The following FHIT variants were observed in gnomAD, a reference collection of about 807,000 sequenced individuals.
FHIT encodes fragile histidine triad diadenosine triphosphatase, also known as bis(5'-adenosyl)-triphosphatase.
Under a neutral mutation model 17.9 loss-of-function variants are expected in FHIT, and 19 were observed. The observed-to-expected ratio is 1.06, with a 90% CI of 0.74 to 1.56. The LOEUF is 1.56. FHIT is among the 40% of genes most tolerant of loss of function. The pLI is 0.00. For missense variants in FHIT, 248 were observed against 189.2 expected, an observed-to-expected ratio of 1.31 and a Z score of -1.82; for synonymous variants, 81 against 69.7, an observed-to-expected ratio of 1.16 and a Z score of -0.81.
chr3:60,653,624 T>C (rs2040048274), intron 4 of FHIT, among the ~76,000 whole-genome samples: 1 of 150,956 alleles, frequency 6.6e-6, no homozygotes, highest in African/African-American at 2.4e-5. Flanking sequence ...TAATTAACTG[T>C]AAAGTGGTAG....
chr3:60,119,301 G>C (rs1705137893), intron 5 of FHIT, among the ~76,000 whole-genome samples: 1 of 152,034 alleles, frequency 6.6e-6, no homozygotes, highest in Non-Finnish European at 1.5e-5. Context: ...TCGAACTCCT[G>C]ACCTCAAGCA....
chr3:59,932,850 A>T (rs1244915507), intron 7 of FHIT, among the ~76,000 whole-genome samples: 2 of 152,174 alleles, frequency 1.3e-5, no homozygotes, highest in African/African-American at 4.8e-5. Flanking sequence ...GGAGGGAAAC[A>T]TCTGGGCATA....
At chr3:60,336,003 A>T (rs894273871) in intron 5 of FHIT, among the ~76,000 whole-genome samples, 1 of 152,234 alleles carries the variant, frequency 6.6e-6, no homozygotes, top group Non-Finnish European at 1.5e-5. Flanking sequence ...TGTGCTTTCT[A>T]TCATAATGAT....
Position 60,572,654 on chromosome 3 carries a change from C to T in FHIT, c.-17-35675G>A, listed in dbSNP as rs138799619. Reference sequence around the variant, plus strand: ...GTGGTTTCTTTTCCTACTCCCTACACAACTTCTGCCATCTTGAGTCTTAAA... The same window carrying T: ...GTGGTTTCTTTTCCTACTCCCTACATAACTTCTGCCATCTTGAGTCTTAAA... On this transcript the variant is annotated intron_variant, in intron 4 of 9. Transcript: ENST00000492590. Among the ~76,000 whole-genome samples, 252 of 152,262 alleles carry T rather than the reference C, an allele frequency of 1.7e-3. 3 individuals carry two copies. Among genetic ancestry groups the T allele is most frequent in the African/African-American group, 5.5e-3 (228 of 41,564 alleles).
chr3:60,010,766 C>T (rs1700106915), intron 7 of FHIT, among the ~76,000 whole-genome samples: 1 of 152,126 alleles, frequency 6.6e-6, no homozygotes, highest in Admixed American at 6.5e-5. Context: ...ATAAATCCTC[C>T]TTTCTTCTCC....
chr3:61,160,924 G>A (rs1315877139), intron 2 of FHIT, among the ~76,000 whole-genome samples: 2 of 152,066 alleles, frequency 1.3e-5, no homozygotes, highest in Non-Finnish European at 1.5e-5. Flanking sequence ...ATCTAAAAAA[G>A]GCTCTTCTCT....
intron 3 of FHIT, among the ~76,000 whole-genome samples, chr3:61,026,341 C>A (rs17064318): frequency 0.27 from 40,527 of 151,996 alleles, 6,405 homozygotes; most frequent in African/African-American, 0.45. Context: ...CAGTGTACCT[C>A]CAATTCTCTC....
chr3:60,181,419 T>C (rs1701931078), intron 5 of FHIT, among the ~76,000 whole-genome samples: 1 of 152,162 alleles, frequency 6.6e-6, no homozygotes, highest in South Asian at 2.1e-4. Context: ...GTGCTGGGAT[T>C]ACAGGTGTGA....
chr3:60,471,386 C>G (rs1166096938), intron 5 of FHIT, among the ~76,000 whole-genome samples: 1 of 152,182 alleles, frequency 6.6e-6, no homozygotes, highest in Non-Finnish European at 1.5e-5. Flanking sequence ...CAGGTTCTGA[C>G]CATTGGCATG....
chr3:60,349,231 T>G (rs1218228009), intron 5 of FHIT, among the ~76,000 whole-genome samples: 2 of 152,226 alleles, frequency 1.3e-5, no homozygotes, highest in Non-Finnish European at 1.5e-5. Flanking sequence ...TTTGAAGTGC[T>G]GGAAGCTTAC....
chr3:61,162,989 A>T (rs538820135), intron 2 of FHIT, among the ~76,000 whole-genome samples: 1 of 152,138 alleles, frequency 6.6e-6, no homozygotes, highest in Non-Finnish European at 1.5e-5. Flanking sequence ...GAGAGTCATG[A>T]TTTCACCTTT....
At chr3:60,595,040 A>G (rs1559566452) in intron 4 of FHIT, among the ~76,000 whole-genome samples, 1 of 152,144 alleles carries the variant, frequency 6.6e-6, no homozygotes, top group Non-Finnish European at 1.5e-5. Flanking sequence ...GCACAGAAAC[A>G]GTCCCAAGGC....
At chr3:60,531,436 G>T (rs868000389) in intron 5 of FHIT, among the ~76,000 whole-genome samples, 1 of 151,824 alleles carries the variant, frequency 6.6e-6, no homozygotes, top group Admixed American at 6.6e-5. Flanking sequence ...CCGCTACCAC[G>T]CCCGGCTAAT....
intron 5 of FHIT, among the ~76,000 whole-genome samples, chr3:60,332,168 C>T (rs1254686495): frequency 1.3e-5 from 2 of 152,178 alleles, no homozygotes; most frequent in African/African-American, 4.8e-5. Flanking sequence ...GAAGCAATGT[C>T]CTACTATTAA....
At chr3:60,087,048 T>G (rs1456873078) in intron 5 of FHIT, among the ~76,000 whole-genome samples, 3 of 152,176 alleles carry the variant, frequency 2.0e-5, no homozygotes, top group Non-Finnish European at 4.4e-5. Context: ...TCCACCACCC[T>G]TGCATTCTGG....
intron 4 of FHIT, among the ~76,000 whole-genome samples, chr3:60,594,295 C>T (rs114659886): frequency 6.6e-6 from 1 of 152,072 alleles, no homozygotes; most frequent in African/African-American, 2.4e-5. Context: ...ACAGCGAACA[C>T]AACCATTGTA....
intron 8 of FHIT, among the ~76,000 whole-genome samples, chr3:59,861,259 G>A (rs1358360810): frequency 2.0e-5 from 3 of 152,180 alleles, no homozygotes; most frequent in Admixed American, 6.5e-5. Flanking sequence ...CAAAGATGAT[G>A]AGGGTGAGGA....
intron 5 of FHIT, among the ~76,000 whole-genome samples, chr3:60,078,424 A>T (rs142844212): frequency 6.6e-6 from 1 of 152,124 alleles, no homozygotes; most frequent in Admixed American, 6.6e-5. Flanking sequence ...GACAAACTCA[A>T]ATTAAGAAAC....
At chr3:60,651,757 T>C (rs1477230885) in intron 4 of FHIT, among the ~76,000 whole-genome samples, 1 of 152,160 alleles carries the variant, frequency 6.6e-6, no homozygotes, top group Non-Finnish European at 1.5e-5. Context: ...ATTCCAAGCA[T>C]TAGATTAACA....
Sources: allele counts gnomAD v4.1 joint callset (sites outside exome capture counted in the v4.1 genomes callset), GRCh38; gene constraint gnomAD v4.1.1; transcripts MANE v1.5; gene names NCBI Gene and HGNC (gene_info 2026-07-23, HGNC 2026-07-21).